Variants in EEFSEC observed in about 807,000 individuals in gnomAD.
EEFSEC encodes the protein selenocysteine-specific elongation factor.
A neutral mutation model predicts 42.1 loss-of-function variants in EEFSEC; 43 were observed. That is an observed-to-expected ratio of 1.02 (90% CI 0.80 to 1.32). The LOEUF (loss-of-function observed/expected upper bound fraction) is 1.32. EEFSEC is among the 40% of genes most tolerant of loss of function. EEFSEC has a pLI of 0.00. For missense variants in EEFSEC, 745 were observed against 803.6 expected (o/e 0.93, Z 0.88); for synonymous variants, 354 against 339.1 (o/e 1.04, Z -0.48).
At chr3:128,328,175 T>G (rs1302519642) in intron 4 of EEFSEC, among the ~76,000 whole-genome samples, 1 of 152,216 alleles carries the variant, frequency 6.6e-6, no homozygotes, top group Non-Finnish European at 1.5e-5. Context: ...AGCTCAGAGC[T>G]GGAGCCACAG....
intron 4 of EEFSEC, among the ~76,000 whole-genome samples, chr3:128,268,658 G>A (rs769866079): frequency 2.6e-5 from 4 of 152,116 alleles, no homozygotes; most frequent in East Asian, 1.9e-4. Flanking sequence ...GAGAAGACAC[G>A]GAGAGTCACA....
chr3:128,366,917 C>T (rs148523975), intron 6 of EEFSEC, among the ~76,000 whole-genome samples: 196 of 152,298 alleles, frequency 1.3e-3, no homozygotes, highest in African/African-American at 4.1e-3. Context: ...ATACCACAGA[C>T]GCGGTGGCTT....
chr3:128,341,940 G>A, intron 5 of EEFSEC, 51 bp downstream of exon 5: 1 of 1,571,942 alleles, frequency 6.4e-7, no homozygotes, highest in Non-Finnish European at 8.6e-7. Context: ...TGCTCGGGCA[G>A]CTGGGATCCA....
intron 1 of EEFSEC, among the ~76,000 whole-genome samples, chr3:128,157,394 T>C (rs556790574): frequency 1.3e-5 from 2 of 152,358 alleles, no homozygotes; most frequent in South Asian, 2.1e-4. Flanking sequence ...GTGAGTACAC[T>C]AAACAGATTT....
At chr3:128,383,854 G>A (rs376198244) in intron 6 of EEFSEC, among the ~76,000 whole-genome samples, 1 of 152,346 alleles carries the variant, frequency 6.6e-6, no homozygotes, top group South Asian at 2.1e-4. Flanking sequence ...CGGTGACAGA[G>A]AGTAGCTGGT....
chr3:128,296,016 G>C (rs1327407845), intron 4 of EEFSEC, among the ~76,000 whole-genome samples: 2 of 152,136 alleles, frequency 1.3e-5, no homozygotes, highest in African/African-American at 4.8e-5. Context: ...GAAAGCACAT[G>C]TTACCATGGT....
At chr3:128,423,070 G>A in the EEFSEC span, among the ~76,000 whole-genome samples, 5 of 152,218 alleles carry the variant, frequency 3.3e-5, no homozygotes, top group African/African-American at 7.2e-5. Context: ...GTGCCTCAGC[G>A]AAATGAAATT....
At chr3:128,199,693 G>A (rs1456204151) in intron 1 of EEFSEC, among the ~76,000 whole-genome samples, 1 of 152,134 alleles carries the variant, frequency 6.6e-6, no homozygotes, top group African/African-American at 2.4e-5. Context: ...TTGCCAAATT[G>A]CCCCTCCCTG....
At position 128,341,466 on chromosome 3, in the gene EEFSEC, C is replaced by T; in HGVS notation, c.1020C>T (p.Gly340=). 6.2e-7 allele frequency: 1 copy of T among 1,614,218 alleles called. No individual in the cohort carries two copies. The highest frequency in any genetic ancestry group is 8.5e-7 in the Non-Finnish European group (1 of 1,180,040). Residue 340 remains glycine (G), a synonymous_variant, in exon 5 of 7, where the codon GGC becomes GGT. Coordinates refer to ENST00000254730, the MANE Select transcript of EEFSEC (RefSeq NM_021937.5). The part of the protein sequence containing the change: ...QTKAKFHITV[G]HETVMGRLMF... The stretch of plus-strand genomic sequence containing the variant: ...AGGCCAAGTTCCACATTACAGTGGG[C>T]CATGAAACAGTCATGGGCCGGTTGA...
chr3:128,200,384 G>A (rs946716558), intron 1 of EEFSEC, among the ~76,000 whole-genome samples: 7 of 152,102 alleles, frequency 4.6e-5, no homozygotes, highest in African/African-American at 1.7e-4. Flanking sequence ...CGCCTCTCAG[G>A]TTCAAGTGAT....
At chr3:128,390,158 A>AAC (rs1332193183) in intron 6 of EEFSEC, among the ~76,000 whole-genome samples, 1 of 152,252 alleles carries the variant, frequency 6.6e-6, no homozygotes, top group African/African-American at 2.4e-5. Flanking sequence ...TCTCCTGGAT[A>AAC]TAATTTACAT....
chr3:128,276,938 G>T (rs535057556), intron 4 of EEFSEC, among the ~76,000 whole-genome samples: 2 of 152,376 alleles, frequency 1.3e-5, no homozygotes, highest in Admixed American at 1.3e-4. Flanking sequence ...CAGGAGGTCA[G>T]CAGGGCTGGA....
intron 1 of EEFSEC, among the ~76,000 whole-genome samples, chr3:128,177,009 ATTT>A (rs1202464974): frequency 6.7e-6 from 1 of 150,256 alleles, no homozygotes; most frequent in Non-Finnish European, 1.5e-5. Flanking sequence ...TATTATTATT[ATTT>A]TTGAGACAGA....
intron 1 of EEFSEC, among the ~76,000 whole-genome samples, chr3:128,170,561 T>C (rs2999051): frequency 0.53 from 80,248 of 151,814 alleles, 24,070 homozygotes; most frequent in African/African-American, 0.83. Flanking sequence ...ACCTTGCCCA[T>C]AGGTTAGAGG....
chr3:128,209,169 A>T (rs558899295), intron 1 of EEFSEC, among the ~76,000 whole-genome samples: 1 of 152,260 alleles, frequency 6.6e-6, no homozygotes, highest in Non-Finnish European at 1.5e-5. Context: ...GGTTAAACTC[A>T]GTTCAGCAAT....
rs201911929 is a variant in EEFSEC at position 128,295,451 on chromosome 3, CTTTTTT to C, written c.786+30688_786+30693del. ...AGGCATTTTTCTGTACTTCCCCCTA[CTTTTTT>C]TTTTTTTTTTTTTTTTTGCTGGCAA... On this transcript the variant is annotated intron_variant, in intron 4 of 6. Coordinates refer to ENST00000254730, the MANE Select transcript of EEFSEC (RefSeq NM_021937.5). Among the ~76,000 whole-genome samples, 49 of 64,006 alleles carry C rather than the reference CTTTTTT, an allele frequency of 7.7e-4. 2 individuals are homozygous for C. Among genetic ancestry groups the C allele is most frequent in the East Asian group, 5.3e-3 (9 of 1,700 alleles). 42.0% of individuals were successfully genotyped at this position (64,006 alleles called of 152,430 possible). A position where few individuals can be genotyped will look rare whatever the true frequency, so the allele number is the denominator to read the frequency against.
intron 6 of EEFSEC, 38 bp from the exon 7 acceptor site, chr3:128,408,031 G>T (rs748117194): frequency 6.7e-7 from 1 of 1,500,260 alleles, no homozygotes; most frequent in South Asian, 1.3e-5. Flanking sequence ...GGTGCTTGGG[G>T]TACGGCAGAG....
intron 1 of EEFSEC, among the ~76,000 whole-genome samples, chr3:128,198,012 T>C (rs1037371677): frequency 1.3e-5 from 2 of 152,182 alleles, no homozygotes; most frequent in African/African-American, 4.8e-5. Flanking sequence ...CCCATCCCCC[T>C]TCCCTTAACC....
At chr3:128,276,457 G>T (rs1171163477) in intron 4 of EEFSEC, among the ~76,000 whole-genome samples, 2 of 152,164 alleles carry the variant, frequency 1.3e-5, no homozygotes, top group Non-Finnish European at 2.9e-5. Context: ...GTCACATACT[G>T]TGCAGCCTGG....
Sources: allele counts gnomAD v4.1 joint callset (sites outside exome capture counted in the v4.1 genomes callset), GRCh38; gene constraint gnomAD v4.1.1; transcripts MANE v1.5; gene names NCBI Gene and HGNC (gene_info 2026-07-23, HGNC 2026-07-21).